DCT: variants seen among roughly 807,000 people sequenced by gnomAD.
The protein encoded by DCT is dopachrome tautomerase.
A neutral mutation model predicts 53.0 loss-of-function variants in DCT; 47 were observed. The observed-to-expected ratio is 0.89, with a 90% CI of 0.70 to 1.13. DCT has a LOEUF of 1.13. Ranked by LOEUF, DCT falls within the 50% of genes most tolerant of loss-of-function variation. The pLI, the probability that DCT is intolerant of heterozygous loss-of-function variation, is 0.00. For synonymous variants in DCT, 244 were observed against 237.0 expected (o/e 1.03, Z -0.27); for missense variants, 669 against 637.4 (o/e 1.05, Z -0.53).
chr13:94,517,703 G>A, the DCT span, among the ~76,000 whole-genome samples: 4 of 152,134 alleles, frequency 2.6e-5, no homozygotes, highest in Non-Finnish European at 5.9e-5. Flanking sequence ...CCTTATATGA[G>A]ATATACAGAG....
the DCT span, among the ~76,000 whole-genome samples, chr13:94,518,925 C>A: frequency 2.6e-5 from 4 of 152,130 alleles, no homozygotes; most frequent in Non-Finnish European, 2.9e-5. Context: ...GTCTTGCTGG[C>A]CTTATCTCAA....
rs1326532998 is a variant in DCT at position 94,460,082 on chromosome 13, T to C, written c.1179+9A>G. 1.2e-6 allele frequency: 2 copies of C among 1,613,630 alleles called. No homozygotes were observed. The highest frequency in any genetic ancestry group is 8.5e-7 in the Non-Finnish European group (1 of 1,179,894). ...AAAATTTTCATGCATTCTGAATCTTTGAACATACCACAAAAATGGGATCAT... is the reference window on the plus strand; with the variant it reads ...AAAATTTTCATGCATTCTGAATCTTCGAACATACCACAAAAATGGGATCAT... On this transcript the variant is annotated intron_variant, in intron 6 of 7. Coordinates refer to ENST00000377028, the MANE Select transcript of DCT (RefSeq NM_001922.5).
the DCT span, among the ~76,000 whole-genome samples, chr13:94,539,930 GAT>G: frequency 6.6e-6 from 1 of 151,454 alleles, no homozygotes; most frequent in Non-Finnish European, 1.5e-5. Flanking sequence ...TTTTAAATGT[GAT>G]ATATATATAT....
upstream of DCT, among the ~76,000 whole-genome samples, chr13:94,483,131 G>A (rs1885517350): frequency 6.6e-6 from 1 of 151,086 alleles, no homozygotes. Flanking sequence ...AAAATTAGCT[G>A]GGCATGGTGA....
the DCT span, among the ~76,000 whole-genome samples, chr13:94,522,432 C>T: frequency 6.6e-6 from 1 of 152,162 alleles, no homozygotes; most frequent in South Asian, 2.1e-4. Context: ...GCTCTTTGCT[C>T]ATCAGCCTGC....
the DCT span, among the ~76,000 whole-genome samples, chr13:94,542,679 CTA>C: frequency 6.6e-6 from 1 of 152,324 alleles, no homozygotes; most frequent in Admixed American, 6.5e-5. Context: ...AACACTGAGT[CTA>C]TCTTTAAGCA....
chr13:94,546,206 A>C, the DCT span, among the ~76,000 whole-genome samples: 8 of 152,180 alleles, frequency 5.3e-5, no homozygotes, highest in Non-Finnish European at 1.0e-4. This position sits in a 1 kb window ranked among gnomAD's most constrained non-coding sequence, Gnocchi z 4.2. Context: ...GGATAGGGCC[A>C]GTGTCTCCCA....
At chr13:94,489,835 T>G in the DCT span, among the ~76,000 whole-genome samples, 55 of 152,170 alleles carry the variant, frequency 3.6e-4, no homozygotes, top group Non-Finnish European at 6.9e-4. Flanking sequence ...AATTTTTTTC[T>G]GGAAACTAAA....
the DCT span, among the ~76,000 whole-genome samples, chr13:94,543,537 T>A: frequency 6.6e-6 from 1 of 152,174 alleles, no homozygotes; most frequent in African/African-American, 2.4e-5. Context: ...CTAATAGAAA[T>A]CTCTCCTGCC....
At chr13:94,514,583 A>C in the DCT span, among the ~76,000 whole-genome samples, 2 of 152,208 alleles carry the variant, frequency 1.3e-5, no homozygotes, top group Non-Finnish European at 2.9e-5. Context: ...CTGCACTTAC[A>C]TGCAAAAGCT....
intron 7 of DCT, among the ~76,000 whole-genome samples, chr13:94,442,533 T>C (rs957153846): frequency 6.6e-6 from 1 of 152,188 alleles, no homozygotes; most frequent in African/African-American, 2.4e-5. Flanking sequence ...TAACATTCTT[T>C]AAATGGTGTG....
At position 94,462,139 on chromosome 13, in the gene DCT, C is replaced by A; in HGVS notation, c.914G>T (p.Gly305Val). 1 of 1,613,368 alleles carries A rather than the reference C, an allele frequency of 6.2e-7. No homozygotes were observed. Among genetic ancestry groups the A allele is most frequent in the East Asian group, 2.2e-5 (1 of 44,872 alleles). ...TCCCATTTGATTTCTTCTCAGCAAA[C>A]CTTCATAGGTTCCATTGCACAAGGT... ...LVTLCNGTYE[G>V]LLRRNQMGRN... The change falls in exon 5 of 8, where the codon GGT (glycine) becomes GTT (valine). Residue 305 changes from glycine to valine, a missense_variant. Coordinates refer to ENST00000377028, the MANE Select transcript of DCT (RefSeq NM_001922.5).
the DCT span, among the ~76,000 whole-genome samples, chr13:94,506,375 CCT>C: frequency 6.6e-6 from 1 of 152,120 alleles, no homozygotes; most frequent in Non-Finnish European, 1.5e-5. Flanking sequence ...AGTAAGGAGT[CCT>C]CCCTAAAATG....
intron 1 of DCT, among the ~76,000 whole-genome samples, chr13:94,469,383 G>A (rs984951274): frequency 6.6e-6 from 1 of 152,112 alleles, no homozygotes; most frequent in Non-Finnish European, 1.5e-5. Context: ...GTAATTAAGG[G>A]TAAATGAGGT....
intron 2 of DCT, 165 bp downstream of exon 2, chr13:94,468,581 C>T: frequency 1.5e-6 from 1 of 660,546 alleles, no homozygotes; most frequent in Non-Finnish European, 2.6e-6. Flanking sequence ...AAACTGCTTC[C>T]TTCTAACTCC....
the DCT span, among the ~76,000 whole-genome samples, chr13:94,484,723 T>C: frequency 6.6e-6 from 1 of 152,158 alleles, no homozygotes; most frequent in South Asian, 2.1e-4. Flanking sequence ...TGTCTAAATT[T>C]CCTTTTTTTA....
the DCT span, among the ~76,000 whole-genome samples, chr13:94,534,007 C>T: frequency 6.6e-6 from 1 of 152,034 alleles, no homozygotes; most frequent in African/African-American, 2.4e-5. Flanking sequence ...AAAGTTCTTA[C>T]ACTTACTACA....
chr13:94,462,237 G>A (rs375357879), intron 4 of DCT, 48 bp from the exon 5 acceptor site: 1 of 1,430,842 alleles, frequency 7.0e-7, no homozygotes, highest in Non-Finnish European at 9.8e-7. Context: ...GCTGGGCACA[G>A]TGGCTCACGT....
At chr13:94,537,344 A>G in the DCT span, among the ~76,000 whole-genome samples, 1 of 152,244 alleles carries the variant, frequency 6.6e-6, no homozygotes, top group East Asian at 1.9e-4. Flanking sequence ...AGTAACTTGA[A>G]AGATGGGGAG....
Sources: gnomAD v4.1 joint callset for allele counts (sites outside exome capture counted in the v4.1 genomes callset) on GRCh38, gnomAD v4.1.1 for gene constraint, Gnocchi (gnomAD v3.1) non-coding constraint, MANE v1.5 for transcripts, NCBI Gene and HGNC (gene_info 2026-07-23, HGNC 2026-07-21) for gene names.